Variants in CACNA1G observed in about 807,000 individuals in gnomAD.
CACNA1G encodes the protein voltage-dependent T-type calcium channel subunit alpha-1G.
A neutral mutation model predicts 219.4 loss-of-function variants in CACNA1G; 67 were observed. The observed-to-expected ratio is 0.31, with a 90% CI of 0.25 to 0.37. The LOEUF is 0.37. Ranked by LOEUF, CACNA1G falls within the 10% of genes least tolerant of loss-of-function variation. The pLI, the probability that CACNA1G is intolerant of heterozygous loss-of-function variation, is 1.00. For missense variants in CACNA1G, 2,380 were observed against 3,231.4 expected, an observed-to-expected ratio of 0.74 and a Z score of 6.39; for synonymous variants, 1,296 against 1,345.3, an observed-to-expected ratio of 0.96 and a Z score of 0.80.
In CACNA1G at chr17:50,621,613, T is replaced by C; in HGVS notation, c.5926-47T>C. ...GCGTGTGTGCGTGTGCACGCGCGTG[T>C]GCGCTGTCCTGGTTTCTCATGCCTG... is the stretch of plus-strand genomic sequence containing the variant. On this transcript the variant is annotated intron_variant, in intron 34 of 37. Transcript: ENST00000359106. This position sits in a 1 kb window ranked among gnomAD's most constrained non-coding sequence, Gnocchi z 4.6. 1 of 1,603,410 alleles carries C rather than the reference T, an allele frequency of 6.2e-7. No homozygotes were observed. Among genetic ancestry groups the C allele is most frequent in the Non-Finnish European group, 8.5e-7 (1 of 1,172,576 alleles).
rs201269613 is a variant in CACNA1G, at chr17:50,615,439, T to C, written c.4838T>C (p.Leu1613Pro). The change falls in exon 27 of 38, where the codon CTG (leucine) becomes CCG (proline). Residue 1613 changes from leucine to proline, a missense_variant. Leu to Pro is a moderately conservative substitution (Grantham distance 98, BLOSUM62 -3). Transcript: ENST00000359106. Reference sequence around the variant, plus strand: ...CACCACTTGTGCACCAGCCACTACCTGGACCTCTTCATCACAGGTGTCATC... The same window carrying C: ...CACCACTTGTGCACCAGCCACTACCCGGACCTCTTCATCACAGGTGTCATC... Reference protein sequence around the residue: ...LVHHLCTSHYLDLFITGVIGL... With the variant: ...LVHHLCTSHYPDLFITGVIGL... 1 of 1,613,824 alleles carries C rather than the reference T, an allele frequency of 6.2e-7. No homozygotes were observed. The highest frequency in any genetic ancestry group is 8.5e-7 in the Non-Finnish European group (1 of 1,179,736).
intron 9 of CACNA1G, among the ~76,000 whole-genome samples, chr17:50,581,136 G>A (rs2145108786): frequency 6.6e-6 from 1 of 151,992 alleles, no homozygotes; most frequent in South Asian, 2.1e-4. Context: ...CGCAGGCAGG[G>A]GAGAAAGGAT....
chr17:50,619,628 C>T, intron 33 of CACNA1G, 55 bp from the exon 34 acceptor site: 1 of 1,558,904 alleles, frequency 6.4e-7, no homozygotes, highest in Non-Finnish European at 8.7e-7. Context: ...CCATCACTGC[C>T]CTCTGACCCC....
At chr17:50,586,031 G>A (rs145241617) in intron 9 of CACNA1G, among the ~76,000 whole-genome samples, 4 of 152,294 alleles carry the variant, frequency 2.6e-5, no homozygotes, top group Non-Finnish European at 4.4e-5. Flanking sequence ...CAGCTCTGAC[G>A]AGGCCTGTCC....
chr17:50,577,344 G>A (rs2040909014), intron 8 of CACNA1G, among the ~76,000 whole-genome samples: 1 of 151,786 alleles, frequency 6.6e-6, no homozygotes, highest in Non-Finnish European at 1.5e-5. Flanking sequence ...CCACATCCAT[G>A]CTTTACCTGG....
chr17:50,617,781 C>T lies in CACNA1G; in HGVS notation c.5156-78C>T. The T allele has an allele frequency of 1.3e-6, 2 of 1,545,316 alleles. No individual in the cohort carries two copies. Among genetic ancestry groups the T allele is most frequent in the South Asian group, 1.1e-5 (1 of 88,854 alleles). ...GATGGCCATCCCAGCAGCCCCAGCC[C>T]AGCCCTGGTCCTGACTCTGCCAGCT... On this transcript the variant is annotated intron_variant, in intron 29 of 37. Coordinates refer to ENST00000359106, the MANE Select transcript of CACNA1G (RefSeq NM_018896.5). The surrounding 1 kb of genome is among the most constrained non-coding windows in gnomAD (Gnocchi z 5.8).
intron 23 of CACNA1G, chr17:50,606,482 A>G (rs1393946193): frequency 1.7e-6 from 1 of 580,768 alleles, no homozygotes; most frequent in Admixed American, 3.1e-5. Flanking sequence ...TAAGGATGCA[A>G]TGAGATGATG....
chr17:50,578,318 G>A lies in CACNA1G; in HGVS notation c.2055G>A (p.Met685Ile), dbSNP rs2041165940. ...AGEVELADRE[M>I]PDSDSEAVYE... ...AGGTGGAGCTCGCCGACCGTGAAAT[G>A]CCTGACTCAGACAGCGAGGCAGTTT... Residue 685 changes from methionine (M) to isoleucine (I), a missense_variant, in exon 9 of 38, where the codon ATG (methionine) becomes ATA (isoleucine). This residue lies in a region of CACNA1G where 434 missense variants were observed against 417.3 expected (regional missense o/e 1.04). Transcript: ENST00000359106. The surrounding 1 kb of genome is among the most constrained non-coding windows in gnomAD (Gnocchi z 4.5). 3 of 1,613,110 alleles carry A rather than the reference G, an allele frequency of 1.9e-6. No homozygotes were observed. Among genetic ancestry groups the A allele is most frequent in the African/African-American group, 1.3e-5 (1 of 74,920 alleles).
intron 25 of CACNA1G, 98 bp downstream of exon 25, chr17:50,608,117 C>CG (rs1338566109): frequency 2.6e-6 from 3 of 1,141,248 alleles, no homozygotes; most frequent in South Asian, 1.5e-5. Flanking sequence ...GCGCTGGGGC[C>CG]GGGGGCAGGG....
Position 50,591,501 on chromosome 17 carries a change from T to G in CACNA1G, c.2520T>G (p.Arg840=). The G allele has an allele frequency of 1.9e-6, 3 of 1,609,358 alleles. No homozygotes were observed. The highest frequency in any genetic ancestry group is 2.5e-6 in the Non-Finnish European group (3 of 1,178,244). Residue 840 remains arginine (R), a synonymous_variant, in exon 11 of 38, where the codon CGT becomes CGG. Coordinates refer to ENST00000359106, the MANE Select transcript of CACNA1G (RefSeq NM_018896.5). ...TGCTGCGGACCTTCCGCCTGATGCG[T>G]GTGCTGAAGCTGGTGCGCTTCCTGC... is the stretch of plus-strand genomic sequence containing the variant. ...LSVLRTFRLM[R]VLKLVRFLPA... is the part of the protein sequence containing the mutation.
chr17:50,586,654 T>C (rs2043060696), intron 9 of CACNA1G, among the ~76,000 whole-genome samples: 1 of 150,526 alleles, frequency 6.6e-6, no homozygotes, highest in Non-Finnish European at 1.5e-5. Context: ...CAGGAGGTAG[T>C]GTTACCCTGT....
intron 25 of CACNA1G, among the ~76,000 whole-genome samples, chr17:50,608,873 C>A (rs1258895050): frequency 6.6e-6 from 1 of 152,196 alleles, no homozygotes; most frequent in African/African-American, 2.4e-5. Flanking sequence ...CTCCAGGGCT[C>A]CCATCTGCCT....
chr17:50,561,393 G>A lies in CACNA1G; in HGVS notation c.-67G>A. 6.5e-7 allele frequency: 1 copy of A among 1,530,856 alleles called. No individual in the cohort carries two copies. Among genetic ancestry groups the A allele is most frequent in the South Asian group, 1.2e-5 (1 of 83,840 alleles). 94.8% of individuals were successfully genotyped at this position (1,530,856 alleles called of 1,614,324 possible). On this transcript the variant is annotated 5_prime_UTR_variant, in exon 1 of 38. Transcript: ENST00000359106. Reference sequence around the variant, plus strand: ...CCGCCGGGGCCCCCGGGTTGCGTGAGGACACCTCCTCTGAGGGGCGCCGCT... The same window carrying A: ...CCGCCGGGGCCCCCGGGTTGCGTGAAGACACCTCCTCTGAGGGGCGCCGCT...
rs762810250 is a variant in CACNA1G at position 50,626,420 on chromosome 17, ACT to A, written c.6806_6807del (p.Ser2269TyrfsTer20). 8.1e-6 allele frequency: 13 copies of A among 1,609,186 alleles called. No homozygotes were observed. Among genetic ancestry groups the A allele is most frequent in the Non-Finnish European group, 1.0e-5 (12 of 1,178,398 alleles). ...TCCTGGCTGGATGAGCAGAGGAGAC[ACT>A]CTATCGCCGTCAGCTGCCTGGACAG... On this transcript the variant is annotated frameshift_variant, in exon 38 of 38. Coordinates refer to ENST00000359106, the MANE Select transcript of CACNA1G (RefSeq NM_018896.5). LOFTEE classifies it high-confidence loss of function. The surrounding 1 kb of genome is among the most constrained non-coding windows in gnomAD (Gnocchi z 4.3).
At chr17:50,619,938 A>G (rs2051409718) in intron 34 of CACNA1G, 112 bp downstream of exon 34, 2 of 1,130,220 alleles carry the variant, frequency 1.8e-6, no homozygotes, top group Non-Finnish European at 2.4e-6. Context: ...TATCTGTAGA[A>G]AGTGCAGCCT....
At position 50,561,404 on chromosome 17, in the gene CACNA1G, C is replaced by CT. The variant is rs1173680360; in HGVS notation, c.-55dup. 4.6e-6 allele frequency: 7 copies of CT among 1,532,320 alleles called. No individual in the cohort carries two copies. The highest frequency in any genetic ancestry group is 4.4e-6 in the Non-Finnish European group (5 of 1,146,066). The allele number at this position is 1,532,320 out of a possible 1,614,324, so 94.9% of individuals were successfully genotyped here. A position where few individuals can be genotyped will look rare whatever the true frequency, so the allele number is the denominator to read the frequency against. On this transcript the variant is annotated 5_prime_UTR_variant, in exon 1 of 38. Transcript: ENST00000359106. Reference sequence around the variant, plus strand: ...CCCGGGTTGCGTGAGGACACCTCCTCTGAGGGGCGCCGCTTGCCCCTCTCC... The same window carrying CT: ...CCCGGGTTGCGTGAGGACACCTCCTCTTGAGGGGCGCCGCTTGCCCCTCTCC...
At chr17:50,566,357 T>C (rs1222608618) in intron 1 of CACNA1G, among the ~76,000 whole-genome samples, 1 of 150,108 alleles carries the variant, frequency 6.7e-6, no homozygotes, top group Non-Finnish European at 1.5e-5. Context: ...AATTGTCGTG[T>C]GCCTTGGTCT....
intron 23 of CACNA1G, 71 bp from the exon 24 acceptor site, chr17:50,606,829 G>C: frequency 9.0e-7 from 1 of 1,113,118 alleles, no homozygotes; most frequent in Admixed American, 1.9e-5. Context: ...GAGGCACTTT[G>C]GGGGCAGGTG....
rs1329173952 is a variant in CACNA1G, at chr17:50,560,953, TAA to T, written c.-505_-504del. The T allele has an allele frequency of 3.8e-5, 1 of 26,304 alleles. No homozygotes were observed. Among genetic ancestry groups the T allele is most frequent in the Admixed American group, 8.3e-4 (1 of 1,206 alleles). 1.6% of individuals were successfully genotyped at this position (26,304 alleles called of 1,614,324 possible). A position where few individuals can be genotyped will look rare whatever the true frequency, so the allele number is the denominator to read the frequency against. On this transcript the variant is annotated 5_prime_UTR_variant, in exon 1 of 38. Coordinates refer to ENST00000359106, the MANE Select transcript of CACNA1G (RefSeq NM_018896.5). The stretch of plus-strand genomic sequence containing the variant: ...CCCCCACCCCCTCCAAGCCCACCCC[TAA>T]AGAGATCCCTCCTCCCCTCCCCCGC...
Sources: allele counts gnomAD v4.1 joint callset (sites outside exome capture counted in the v4.1 genomes callset), GRCh38; gene constraint gnomAD v4.1.1; regional missense constraint gnomAD v4.1.1; non-coding constraint Gnocchi (gnomAD v3.1); transcripts MANE v1.5; gene names NCBI Gene and HGNC (gene_info 2026-07-23, HGNC 2026-07-21).